The following MACF1 variants were observed in gnomAD, a reference collection of about 807,000 sequenced individuals.
MACF1 encodes microtubule actin crosslinking factor 1.
Under a neutral mutation model 854.8 loss-of-function variants are expected in MACF1, and 193 were observed. The observed-to-expected ratio is 0.23, with a 90% CI of 0.20 to 0.25. The LOEUF is 0.25. MACF1 is among the 10% of genes least tolerant of loss of function. MACF1 has a pLI of 1.00. For missense variants in MACF1, 7,722 were observed against 8,929.1 expected (o/e 0.86, Z 5.45); for synonymous variants, 3,185 against 3,226.7 (o/e 0.99, Z 0.44).
rs767863918 is a variant in MACF1, at chr1:39,422,505, C to G, written c.15948C>G (p.Ile5316Met). 9.9e-6 allele frequency: 16 copies of G among 1,613,244 alleles called. No individual in the cohort carries two copies. The highest frequency in any genetic ancestry group is 1.4e-5 in the Non-Finnish European group (16 of 1,179,712). Reference protein sequence around the residue: ...VQGLEHDMEEINARWNTLNKK... With the variant: ...VQGLEHDMEEMNARWNTLNKK... ...GTTTAGAACATGACATGGAAGAGAT[C>G]AATGCTCGATGGAATACATTGAATA... The change falls in exon 59 of 101, where the codon ATC (isoleucine) becomes ATG (methionine). Residue 5316 changes from isoleucine to methionine, a missense_variant. Around this residue, in one of 15 missense-constraint regions of MACF1, gnomAD observed 2,807 missense variants for 3,235.8 expected, o/e 0.87. Coordinates refer to ENST00000564288, the MANE Select transcript of MACF1 (RefSeq NM_001394062.1).
chr1:39,388,576 C>A lies in MACF1; in HGVS notation c.15734C>A (p.Thr5245Lys). 1 of 1,614,030 alleles carries A rather than the reference C, an allele frequency of 6.2e-7. No individual in the cohort carries two copies. Reference sequence around the variant, plus strand: ...TTGAAAGGACTCAATGACGCGACCACAGCAGCAGAGGAGGCAGAGGCCCTC... The same window carrying A: ...TTGAAAGGACTCAATGACGCGACCAAAGCAGCAGAGGAGGCAGAGGCCCTC... ...RKLKGLNDAT[T>K]AAEEAEALQW... Residue 5245 changes from threonine to lysine, a missense_variant, in exon 58 of 101, where the codon ACA becomes AAA. Thr to Lys is a moderately conservative substitution (Grantham distance 78, BLOSUM62 -1). Coordinates refer to ENST00000564288, the MANE Select transcript of MACF1 (RefSeq NM_001394062.1).
chr1:39,471,675 A>G (rs148012339), intron 97 of MACF1, among the ~76,000 whole-genome samples: 36 of 152,334 alleles, frequency 2.4e-4, no homozygotes, highest in African/African-American at 8.7e-4. Flanking sequence ...AGAGAAAAAA[A>G]GTGCTCCTGC....
intron 6 of MACF1, among the ~76,000 whole-genome samples, chr1:39,276,842 T>TTATTA (rs1645447032): frequency 6.6e-6 from 1 of 152,212 alleles, no homozygotes; most frequent in South Asian, 2.1e-4. Flanking sequence ...GCATTTCTTG[T>TTATTA]TATTAGGCTT....
chr1:39,455,370 G>C (rs1309512672), intron 89 of MACF1, among the ~76,000 whole-genome samples: 2 of 152,100 alleles, frequency 1.3e-5, no homozygotes, highest in African/African-American at 2.4e-5. Flanking sequence ...TCCTCTTTTA[G>C]GCTCACTCAG....
intron 2 of MACF1, among the ~76,000 whole-genome samples, chr1:39,169,898 C>T (rs1016149337): frequency 3.3e-5 from 5 of 151,476 alleles, no homozygotes; most frequent in Non-Finnish European, 5.9e-5. Flanking sequence ...CTCAGCCTCC[C>T]GAGTAGCTGG....
rs372125629 is a variant in MACF1 at position 39,340,592 on chromosome 1, G to A, written c.10306G>A (p.Val3436Ile). 2.7e-5 allele frequency: 43 copies of A among 1,614,070 alleles called. No homozygotes were observed. Among genetic ancestry groups the A allele is most frequent in the Non-Finnish European group, 3.6e-5 (43 of 1,180,042 alleles). The stretch of plus-strand genomic sequence containing the variant: ...GATTATCATCAGCCAGCCTCAAGAA[G>A]TTCCTGCTCAACTGTTGAAGGCTCT... ...NQIIISQPQE[V>I]PAQLLKALEK... The change falls in exon 39 of 101, where the codon GTT becomes ATT. Residue 3436 changes from valine (V) to isoleucine (I), a missense_variant. Transcript: ENST00000564288.
intron 23 of MACF1, among the ~76,000 whole-genome samples, chr1:39,303,699 A>G (rs1646101176): frequency 7.9e-6 from 1 of 127,244 alleles, no homozygotes; most frequent in African/African-American, 3.9e-5. Context: ...TAAAAATACA[A>G]AAAAAAAAAA....
At chr1:39,318,350 GGTC>G (rs1244085318) in intron 29 of MACF1, 100 bp from the exon 30 acceptor site, 1 of 1,014,862 alleles carries the variant, frequency 9.9e-7, no homozygotes, top group Non-Finnish European at 1.5e-6. Flanking sequence ...GATCGTTTGT[GGTC>G]AAGCCCAGCT....
chr1:39,340,632 A>G lies in MACF1; in HGVS notation c.10346A>G (p.Lys3449Arg), dbSNP rs1407533484. 1.2e-6 allele frequency: 2 copies of G among 1,614,114 alleles called. No individual in the cohort carries two copies. The highest frequency in any genetic ancestry group is 1.7e-5 in the Admixed American group (1 of 60,008). ...TTGAAGGCTCTAGAGAAAGATGCCAAGAATCTTCAGAAGTCTCTCAGCTCT... is the reference window on the plus strand; with the variant it reads ...TTGAAGGCTCTAGAGAAAGATGCCAGGAATCTTCAGAAGTCTCTCAGCTCT... ...QLLKALEKDA[K>R]NLQKSLSSVS... Residue 3449 changes from lysine to arginine, a missense_variant, in exon 39 of 101, where the codon AAG (lysine) becomes AGG (arginine). Coordinates refer to ENST00000564288, the MANE Select transcript of MACF1 (RefSeq NM_001394062.1).
intron 2 of MACF1, among the ~76,000 whole-genome samples, chr1:39,093,688 G>A (rs1328729234): frequency 1.3e-5 from 2 of 152,016 alleles, no homozygotes; most frequent in African/African-American, 4.8e-5. Context: ...GTTTCATCAT[G>A]TTGGCCAGGA....
chr1:39,138,290 T>G (rs1450438876), intron 2 of MACF1, among the ~76,000 whole-genome samples: 2 of 151,786 alleles, frequency 1.3e-5, no homozygotes, highest in East Asian at 3.9e-4. Context: ...ACTTGAAAAA[T>G]GGCTGGTGGT....
intron 2 of MACF1, among the ~76,000 whole-genome samples, chr1:39,102,101 C>T (rs991573135): frequency 2.7e-4 from 41 of 151,178 alleles, no homozygotes; most frequent in African/African-American, 9.7e-4. Context: ...GCGTGAACCC[C>T]GGGGGGCGGA....
At position 39,205,028 on chromosome 1, in the gene MACF1, C is replaced by G; in HGVS notation, c.6C>G (p.Pro2=). M[P]LLDSSYLPPT... The stretch of plus-strand genomic sequence containing the variant: ...GAGAAAGGACGGGCCTGGAAATGCC[C>G]CTCTTAGATTCATCTTATTTACCAC... The change falls in exon 1 of 101, where the codon CCC becomes CCG. Residue 2 remains proline, a synonymous_variant. Transcript: ENST00000564288. 1 of 702,934 alleles carries G rather than the reference C, an allele frequency of 1.4e-6. No homozygotes were observed. The highest frequency in any genetic ancestry group is 2.6e-6 in the Non-Finnish European group (1 of 384,976). 43.5% of individuals were successfully genotyped at this position (702,934 alleles called of 1,614,324 possible).
intron 58 of MACF1, chr1:39,411,783 A>G (rs112059370): frequency 6.2e-7 from 1 of 1,613,780 alleles, no homozygotes; most frequent in Non-Finnish European, 8.5e-7. Flanking sequence ...ATTTACTCGT[A>G]ATTAGTCATT....
rs1642115125 is a variant in MACF1, at chr1:39,393,194, AAAATATATATATATATAT to A, written c.15816+4538_15816+4555del. Among the ~76,000 whole-genome samples the A allele has an allele frequency of 6.3e-5, 5 of 79,250 alleles. 1 individual carries two copies. In the East Asian group the frequency reaches 1.5e-3, roughly 25 times the overall value. 52.0% of individuals were successfully genotyped at this position (79,250 alleles called of 152,430 possible). A position where few individuals can be genotyped will look rare whatever the true frequency, so the allele number is the denominator to read the frequency against. On this transcript the variant is annotated intron_variant, in intron 58 of 100. Coordinates refer to ENST00000564288, the MANE Select transcript of MACF1 (RefSeq NM_001394062.1). ...TCCTGGGAAGGGTAAAAAAAAAAAA[AAAATATATATATATATAT>A]ATATATATATATGTTAAGTCTCTGA...
intron 58 of MACF1, among the ~76,000 whole-genome samples, chr1:39,389,851 T>C (rs746356758): frequency 6.6e-6 from 1 of 152,228 alleles, no homozygotes; most frequent in Non-Finnish European, 1.5e-5. Context: ...ATTTATATAG[T>C]AAGCAGCTTA....
intron 2 of MACF1, among the ~76,000 whole-genome samples, chr1:39,125,134 A>G (rs1423753294): frequency 1.3e-5 from 2 of 152,236 alleles, no homozygotes; most frequent in African/African-American, 2.4e-5. Flanking sequence ...AAAATGAAAA[A>G]AGAGTAAAAC....
intron 46 of MACF1, 106 bp downstream of exon 46, chr1:39,358,979 G>A: frequency 1.4e-6 from 2 of 1,427,478 alleles, no homozygotes; most frequent in Non-Finnish European, 1.9e-6. Flanking sequence ...GCAGTGGTTG[G>A]GATGCCTTGG....
intron 58 of MACF1, chr1:39,410,223 A>G: frequency 6.8e-7 from 1 of 1,459,866 alleles, no homozygotes; most frequent in Non-Finnish European, 9.3e-7. Context: ...AACCTGTGAA[A>G]AATACTTTTG....
Sources: allele counts gnomAD v4.1 joint callset (sites outside exome capture counted in the v4.1 genomes callset), GRCh38; gene constraint gnomAD v4.1.1; regional missense constraint gnomAD v4.1.1; transcripts MANE v1.5; gene names NCBI Gene and HGNC (gene_info 2026-07-23, HGNC 2026-07-21).